PLPP1: variants seen among roughly 807,000 people sequenced by gnomAD.
PLPP1 encodes lipid phosphate phosphohydrolase 1a.
In PLPP1, 24 loss-of-function variants were observed where a neutral mutation model predicts 31.2. The observed-to-expected ratio is 0.77, with a 90% CI of 0.56 to 1.08. PLPP1 has a LOEUF of 1.08. PLPP1 is among the 50% of genes least tolerant of loss of function. The probability of loss-of-function intolerance (pLI) is 0.00; values close to 1 mark genes in which losing one functional copy is unlikely to be tolerated. For synonymous variants in PLPP1, 146 were observed against 126.3 expected (o/e 1.16, Z -1.05); for missense variants, 319 against 342.7 (o/e 0.93, Z 0.55).
At chr5:55,437,448 G>A (rs1751518223) in intron 4 of PLPP1, among the ~76,000 whole-genome samples, 1 of 47,030 alleles carries the variant, frequency 2.1e-5, no homozygotes, top group Non-Finnish European at 5.2e-5. Context: ...CATTTTTAAG[G>A]AGTTTTTTTT....
intron 1 of PLPP1, among the ~76,000 whole-genome samples, chr5:55,480,058 C>T (rs989733505): frequency 3.9e-5 from 6 of 152,122 alleles, no homozygotes; most frequent in African/African-American, 1.4e-4. Context: ...TGGAGAAATG[C>T]AAACATTTAA....
chr5:55,440,023 C>T (rs1751587536), intron 4 of PLPP1, among the ~76,000 whole-genome samples: 1 of 152,170 alleles, frequency 6.6e-6, no homozygotes, highest in Non-Finnish European at 1.5e-5. Flanking sequence ...TCAGCAGCCC[C>T]CTCCCAAGGT....
chr5:55,476,811 T>A (rs1752560195), intron 1 of PLPP1, among the ~76,000 whole-genome samples: 3 of 152,170 alleles, frequency 2.0e-5, no homozygotes, highest in South Asian at 4.1e-4. Context: ...ACCACAAATA[T>A]CAAATCTGTT....
At chr5:55,489,022 C>T (rs1426141195) in intron 1 of PLPP1, among the ~76,000 whole-genome samples, 1 of 151,878 alleles carries the variant, frequency 6.6e-6, no homozygotes, top group African/African-American at 2.4e-5. Context: ...GAAGAAACCC[C>T]ATCTCTACTA....
intron 1 of PLPP1, among the ~76,000 whole-genome samples, chr5:55,477,680 A>AT (rs1339879743): frequency 6.6e-6 from 1 of 152,214 alleles, no homozygotes; most frequent in Admixed American, 6.5e-5. Flanking sequence ...GGCATGAGCC[A>AT]TAGTGCCCAG....
intron 3 of PLPP1, among the ~76,000 whole-genome samples, chr5:55,448,550 C>T (rs1279847725): frequency 1.3e-5 from 2 of 148,578 alleles, no homozygotes; most frequent in African/African-American, 2.5e-5. Context: ...TGGGTTCAAG[C>T]GATTCTCCTG....
At chr5:55,469,635 A>G (rs956804315) in intron 2 of PLPP1, among the ~76,000 whole-genome samples, 74 of 152,188 alleles carry the variant, frequency 4.9e-4, no homozygotes, top group African/African-American at 1.6e-3. Flanking sequence ...GCTTCACCTT[A>G]AATTTATATA....
chr5:55,440,434 A>C (rs2111703491), intron 4 of PLPP1, among the ~76,000 whole-genome samples: 1 of 152,352 alleles, frequency 6.6e-6, no homozygotes, highest in African/African-American at 2.4e-5. Flanking sequence ...CACTTAAGAA[A>C]GAATGCTGAT....
At position 55,468,080 on chromosome 5, in the gene PLPP1, A is replaced by C; in HGVS notation, c.280T>G (p.Tyr94Asp). 6 of 1,613,774 alleles carry C rather than the reference A, an allele frequency of 3.7e-6. No individual in the cohort carries two copies. Among genetic ancestry groups the C allele is most frequent in the Non-Finnish European group, 5.1e-6 (6 of 1,179,714 alleles). ...ATGGCTTTGTAAATAGTGGCTATGT[A>C]GTTATTCCTGATAAAGGAATTTGAG... ...LHSNSFIRNN[Y>D]IATIYKAIGT... Residue 94 changes from tyrosine to aspartate, a missense_variant, in exon 3 of 6, where the codon TAC becomes GAC. Coordinates refer to ENST00000307259, the MANE Select transcript of PLPP1 (RefSeq NM_003711.4).
At chr5:55,454,924 A>T (rs972657976) in intron 3 of PLPP1, among the ~76,000 whole-genome samples, 16 of 152,226 alleles carry the variant, frequency 1.1e-4, no homozygotes, top group African/African-American at 3.1e-4. Context: ...AGCCAGTTGT[A>T]CTAGGTACGT....
intron 1 of PLPP1, among the ~76,000 whole-genome samples, chr5:55,511,650 G>GGT (rs1753412024): frequency 3.9e-5 from 2 of 51,448 alleles, no homozygotes; most frequent in Non-Finnish European, 3.4e-5. Flanking sequence ...CACGTGTTGA[G>GGT]TTTTTTTTTT....
chr5:55,431,271 T>G (rs542450962), intron 4 of PLPP1, among the ~76,000 whole-genome samples: 3 of 152,214 alleles, frequency 2.0e-5, no homozygotes, highest in African/African-American at 7.2e-5. Flanking sequence ...CTGTCAAAAG[T>G]CAGAGAATAA....
chr5:55,425,235 T>A lies in PLPP1; in HGVS notation c.826A>T (p.Asn276Tyr), dbSNP rs200684737. The A allele has an allele frequency of 6.2e-5, 100 of 1,613,878 alleles. No individual in the cohort carries two copies. Among genetic ancestry groups the A allele is most frequent in the Non-Finnish European group, 8.1e-5 (96 of 1,179,964 alleles). ...GGCTGGTGATTGCTCGGATAGTGAT[T>A]CCCAGTTGTTGGTGTTTCATGCAGA... ...TTLHETPTTG[N>Y]HYPSNHQP The change falls in exon 6 of 6, where the codon AAT becomes TAT. Residue 276 changes from asparagine to tyrosine, a missense_variant. Coordinates refer to ENST00000307259, the MANE Select transcript of PLPP1 (RefSeq NM_003711.4).
At chr5:55,504,360 C>CAAA (rs34275567) in intron 1 of PLPP1, among the ~76,000 whole-genome samples, 10 of 130,456 alleles carry the variant, frequency 7.7e-5, no homozygotes, top group East Asian at 6.9e-4. Context: ...GACTCTGTAT[C>CAAA]AAAAAAAAAA....
chr5:55,522,075 G>A (rs1753681745), intron 1 of PLPP1, among the ~76,000 whole-genome samples: 1 of 152,116 alleles, frequency 6.6e-6, no homozygotes, highest in Non-Finnish European at 1.5e-5. Flanking sequence ...ACCCCACCCT[G>A]AAAAAGACTC....
chr5:55,478,872 T>C (rs763942059), intron 1 of PLPP1, among the ~76,000 whole-genome samples: 3 of 152,052 alleles, frequency 2.0e-5, no homozygotes, highest in Admixed American at 6.6e-5. Flanking sequence ...TAAGGAAATA[T>C]AAGAAAATAA....
intron 3 of PLPP1, among the ~76,000 whole-genome samples, chr5:55,455,236 GA>G (rs981359920): frequency 1.3e-5 from 2 of 150,516 alleles, no homozygotes; most frequent in African/African-American, 4.9e-5. Flanking sequence ...CAGAAAAAAA[GA>G]AAAAAAAAGC....
chr5:55,426,174 C>T (rs1435307903), intron 4 of PLPP1, 135 bp from the exon 5 acceptor site: 14 of 727,460 alleles, frequency 1.9e-5, no homozygotes, highest in South Asian at 9.4e-5. Context: ...CAAACATTCA[C>T]GTACGCATTA....
At chr5:55,515,033 G>A (rs909834814) in intron 1 of PLPP1, among the ~76,000 whole-genome samples, 1 of 152,168 alleles carries the variant, frequency 6.6e-6, no homozygotes, top group East Asian at 1.9e-4. Flanking sequence ...GACAGTATTC[G>A]CTCCATTATA....
Sources: allele counts gnomAD v4.1 joint callset (sites outside exome capture counted in the v4.1 genomes callset), GRCh38; gene constraint gnomAD v4.1.1; transcripts MANE v1.5; gene names NCBI Gene and HGNC (gene_info 2026-07-23, HGNC 2026-07-21).